CYP3A7: variants seen among roughly 807,000 people sequenced by gnomAD.
The protein encoded by CYP3A7 is cytochrome P450 3A7.
Under a neutral mutation model 55.2 loss-of-function variants are expected in CYP3A7, and 45 were observed. The observed-to-expected ratio is 0.82, with a 90% CI of 0.64 to 1.05. The LOEUF is 1.05. Among genes scored for constraint, CYP3A7 ranks in the 50% least tolerant of loss-of-function variants. The pLI is 0.00. For missense variants in CYP3A7, 548 were observed against 605.3 expected (o/e 0.91, Z 0.99); for synonymous variants, 180 against 207.4 (o/e 0.87, Z 1.13).
intron 1 of CYP3A7, among the ~76,000 whole-genome samples, chr7:99,734,182 G>A (rs530989639): frequency 6.6e-6 from 1 of 152,288 alleles, no homozygotes; most frequent in East Asian, 1.9e-4. Flanking sequence ...TAACTTTTCT[G>A]TGAAAGAATT....
intron 4 of CYP3A7, 48 bp from the exon 5 acceptor site, chr7:99,717,687 C>A (rs757487007): frequency 6.2e-7 from 1 of 1,603,464 alleles, no homozygotes; most frequent in Non-Finnish European, 8.5e-7. Context: ...TTGTGGAGGT[C>A]TCCATGGTTG....
rs563529139 is a variant in CYP3A7 at position 99,713,532 on chromosome 7, G to A, written c.802C>T (p.Arg268Ter). 52 of 1,613,344 alleles carry A rather than the reference G, an allele frequency of 3.2e-5. No homozygotes were observed. Among genetic ancestry groups the A allele is most frequent in the South Asian group, 1.3e-4 (12 of 91,072 alleles). Residue 268 changes from arginine to a stop codon, truncating the protein, a stop_gained, in exon 9 of 13, where the codon CGA (arginine) becomes TGA (stop). Transcript: ENST00000336374. LOFTEE classifies it high-confidence loss of function. ...ATCATCAGCTGAAGGAAATCCACTC[G>A]GTGCTAGAAGCAAAAAGAGAAATTT... Reference protein sequence around the residue: ...EGRLKETQKHRVDFLQLMIDS... With the variant: ...EGRLKETQKH
chr7:99,734,913 G>T (rs546733453), intron 1 of CYP3A7, 110 bp downstream of exon 1: 1 of 1,546,268 alleles, frequency 6.5e-7, no homozygotes, highest in Admixed American at 1.7e-5. Flanking sequence ...GAGCCACCAC[G>T]GCCAGCCTGA....
chr7:99,705,431 G>C lies in CYP3A7; in HGVS notation c.*69C>G. On this transcript the variant is annotated 3_prime_UTR_variant, in exon 13 of 13. Transcript: ENST00000336374. ...TTCATTTCAGGGTTCTATTTGTAAAGTAATTTGAGGTCTCTGGTGTTCTGG... is the reference window on the plus strand; with the variant it reads ...TTCATTTCAGGGTTCTATTTGTAAACTAATTTGAGGTCTCTGGTGTTCTGG... The C allele has an allele frequency of 6.5e-7, 1 of 1,538,238 alleles. No individual in the cohort carries two copies.
In CYP3A7 at chr7:99,705,481, C is replaced by G; in HGVS notation, c.*19G>C. ...GGGCACAGCTTTCTTAAAGAGCAAA[C>G]CAGAAGTCCTTAGGGAAATCAGGCT... On this transcript the variant is annotated 3_prime_UTR_variant, in exon 13 of 13. Transcript: ENST00000336374. 1.2e-6 allele frequency: 2 copies of G among 1,612,546 alleles called. No homozygotes were observed. Among genetic ancestry groups the G allele is most frequent in the South Asian group, 1.1e-5 (1 of 91,066 alleles).
intron 9 of CYP3A7, among the ~76,000 whole-genome samples, chr7:99,712,513 A>G (rs955643380): frequency 3.9e-5 from 6 of 152,226 alleles, no homozygotes; most frequent in Admixed American, 2.0e-4. Context: ...CTCAATAGCT[A>G]TATGTGTCTA....
intron 6 of CYP3A7, among the ~76,000 whole-genome samples, chr7:99,716,580 T>C (rs1318559258): frequency 6.6e-6 from 1 of 152,184 alleles, no homozygotes. Context: ...ATATCCCCTG[T>C]CTGCCCAGGA....
chr7:99,722,259 A>T, intron 3 of CYP3A7, 37 bp downstream of exon 3: 1 of 1,612,722 alleles, frequency 6.2e-7, no homozygotes, highest in Non-Finnish European at 8.5e-7. Flanking sequence ...TCATCATAGA[A>T]ACAAGTCTAT....
intron 3 of CYP3A7, among the ~76,000 whole-genome samples, chr7:99,721,336 C>T (rs1411841392): frequency 6.6e-6 from 1 of 152,106 alleles, no homozygotes; most frequent in African/African-American, 2.4e-5. Flanking sequence ...GCATGGTTTC[C>T]CAATCTGTTT....
rs1462948286 is a variant in CYP3A7, at chr7:99,720,557, G to T, written c.219-145C>A. ...GTAATCTTAAGTTCTAGTTCATTAGGTATAACTCACAGCAAGAGTCTGACA... is the reference window on the plus strand; with the variant it reads ...GTAATCTTAAGTTCTAGTTCATTAGTTATAACTCACAGCAAGAGTCTGACA... On this transcript the variant is annotated intron_variant, in intron 3 of 12. Coordinates refer to ENST00000336374, the MANE Select transcript of CYP3A7 (RefSeq NM_000765.5). The T allele has an allele frequency of 5.7e-6, 5 of 881,404 alleles. No homozygotes were observed. The Admixed American group carries it at 9.2e-5, about 16-fold the overall frequency. The allele number at this position is 881,404 out of a possible 1,614,324, so 54.6% of individuals were successfully genotyped here. A position where few individuals can be genotyped will look rare whatever the true frequency, so the allele number is the denominator to read the frequency against.
intron 4 of CYP3A7, among the ~76,000 whole-genome samples, chr7:99,720,067 CTG>C (rs986541638): frequency 6.6e-6 from 1 of 152,044 alleles, no homozygotes; most frequent in African/African-American, 2.4e-5. Context: ...GCACATAAAA[CTG>C]GTGAAATCTG....
At chr7:99,713,010 A>C (rs973799925) in intron 9 of CYP3A7, among the ~76,000 whole-genome samples, 1 of 152,232 alleles carries the variant, frequency 6.6e-6, no homozygotes, top group Non-Finnish European at 1.5e-5. Flanking sequence ...AAAAATTGCC[A>C]GTTAAAATCG....
At chr7:99,731,530 C>T (rs1016166241) in intron 1 of CYP3A7, among the ~76,000 whole-genome samples, 4 of 152,164 alleles carry the variant, frequency 2.6e-5, no homozygotes, top group African/African-American at 9.7e-5. Context: ...GATTCTCATC[C>T]TAGGTAGAAA....
chr7:99,717,634 G>T lies in CYP3A7; in HGVS notation c.324C>A (p.Phe108Leu), dbSNP rs181820338. 3 of 1,613,398 alleles carry T rather than the reference G, an allele frequency of 1.9e-6. No individual in the cohort carries two copies. In the African/African-American group the frequency reaches 4.0e-5, roughly 22 times the overall value. Residue 108 changes from phenylalanine (F) to leucine (L), a missense_variant, in exon 5 of 13, where the codon TTC becomes TTA. Physicochemically the swap from Phe to Leu is conservative, Grantham distance 22. Coordinates refer to ENST00000336374, the MANE Select transcript of CYP3A7 (RefSeq NM_000765.5). ...CYSVFTNRRP[F>L]GPVGFMKNAI... Reference sequence around the variant, plus strand: ...CATTTTTCATAAATCCCACTGGCCCGAAAGGCTAGAGTTCAAAGCAGAAAG... The same window carrying T: ...CATTTTTCATAAATCCCACTGGCCCTAAAGGCTAGAGTTCAAAGCAGAAAG...
intron 11 of CYP3A7, among the ~76,000 whole-genome samples, 165 bp downstream of exon 11, chr7:99,708,870 G>A (rs1278790207): frequency 6.6e-6 from 1 of 152,092 alleles, no homozygotes; most frequent in African/African-American, 2.4e-5. Context: ...TATCTAGTCT[G>A]TGGTTTGTAA....
At chr7:99,706,664 A>G (rs2151498537) in intron 12 of CYP3A7, among the ~76,000 whole-genome samples, 1 of 152,194 alleles carries the variant, frequency 6.6e-6, no homozygotes, top group Non-Finnish European at 1.5e-5. Context: ...AAATTTTCAA[A>G]AGGCATGAAT....
intron 10 of CYP3A7, 84 bp from the exon 11 acceptor site, chr7:99,709,345 A>G: frequency 1.9e-6 from 3 of 1,546,642 alleles, no homozygotes; most frequent in South Asian, 2.4e-5. Context: ...TTGAACTGTT[A>G]GAAGTTCCAG....
At chr7:99,717,991 GCT>G (rs964146102) in intron 4 of CYP3A7, among the ~76,000 whole-genome samples, 1 of 152,122 alleles carries the variant, frequency 6.6e-6, no homozygotes, top group African/African-American at 2.4e-5. Flanking sequence ...CCTCAGACGA[GCT>G]CTGTCTTTAT....
At chr7:99,716,614 T>G (rs1170900395) in intron 6 of CYP3A7, among the ~76,000 whole-genome samples, 2 of 152,180 alleles carry the variant, frequency 1.3e-5, no homozygotes, top group Non-Finnish European at 2.9e-5. Context: ...CACCTGTTGT[T>G]CCTGCATAAG....
Sources: gnomAD v4.1 joint callset for allele counts (sites outside exome capture counted in the v4.1 genomes callset) on GRCh38, gnomAD v4.1.1 for gene constraint, MANE v1.5 for transcripts, NCBI Gene and HGNC (gene_info 2026-07-23, HGNC 2026-07-21) for gene names.